The following PLEKHO2 variants were observed in gnomAD, a reference collection of about 807,000 sequenced individuals.
The protein encoded by PLEKHO2 is pleckstrin homology domain containing O2, also known as pleckstrin homology domain-containing family O member 2.
In PLEKHO2, 20 loss-of-function variants were observed where a neutral mutation model predicts 32.7. That is an observed-to-expected ratio of 0.61 (90% CI 0.43 to 0.89). PLEKHO2 has a LOEUF of 0.89. PLEKHO2 is among the 40% of genes least tolerant of loss of function. The probability of loss-of-function intolerance (pLI) is 0.00; values close to 1 mark genes in which losing one functional copy is unlikely to be tolerated. For missense variants in PLEKHO2, 568 were observed against 621.2 expected, an observed-to-expected ratio of 0.91 and a Z score of 0.91; for synonymous variants, 247 against 246.3, an observed-to-expected ratio of 1.00 and a Z score of -0.03.
intron 1 of PLEKHO2, among the ~76,000 whole-genome samples, chr15:64,845,684 C>G (rs2084516567): frequency 6.6e-6 from 1 of 152,196 alleles, no homozygotes; most frequent in Non-Finnish European, 1.5e-5. Flanking sequence ...CTTCAAGGAC[C>G]TGGACTTGTT....
At chr15:64,850,375 A>G (rs2084558331) in intron 2 of PLEKHO2, among the ~76,000 whole-genome samples, 1 of 152,200 alleles carries the variant, frequency 6.6e-6, no homozygotes, top group African/African-American at 2.4e-5. Flanking sequence ...CGTGCTTTCT[A>G]CCAAGAGACG....
At chr15:64,842,961 G>A (rs2084496351) in intron 1 of PLEKHO2, among the ~76,000 whole-genome samples, 2 of 152,226 alleles carry the variant, frequency 1.3e-5, no homozygotes, top group South Asian at 4.1e-4. Flanking sequence ...ATCCCCTGAG[G>A]GGGTCCCAGC....
intron 4 of PLEKHO2, among the ~76,000 whole-genome samples, chr15:64,860,843 TGAGGGACA>T (rs1208639496): frequency 1.2e-4 from 18 of 152,324 alleles, no homozygotes; most frequent in Non-Finnish European, 2.1e-4. Flanking sequence ...CTCAGCCCAC[TGAGGGACA>T]GAGGGACAGA....
chr15:64,862,941 T>C (rs1157416398), intron 5 of PLEKHO2, among the ~76,000 whole-genome samples: 1 of 74,422 alleles, frequency 1.3e-5, no homozygotes. Context: ...CCCCACCTCT[T>C]TTTTTTTTTT....
chr15:64,866,120 T>TGGGCTG lies in PLEKHO2; in HGVS notation c.*247_*252dup, dbSNP rs57184692. 13,834 of 615,148 alleles carry TGGGCTG rather than the reference T, an allele frequency of 0.022. 1,461 individuals carry two copies. The African/African-American group carries it at 0.23, about 10-fold the overall frequency. 38.1% of individuals were successfully genotyped at this position (615,148 alleles called of 1,614,324 possible). A position where few individuals can be genotyped will look rare whatever the true frequency, so the allele number is the denominator to read the frequency against. On this transcript the variant is annotated 3_prime_UTR_variant, in exon 6 of 6. Coordinates refer to ENST00000323544, the MANE Select transcript of PLEKHO2 (RefSeq NM_025201.5). ...CTGCCTGGCTATCTGGCCTGGCCTC[T>TGGGCTG]GGGCTGGGGCTGGGGCTGGGAGCAC... is the stretch of plus-strand genomic sequence containing the variant.
intron 3 of PLEKHO2, among the ~76,000 whole-genome samples, chr15:64,856,876 G>A (rs758966782): frequency 9.2e-5 from 14 of 152,194 alleles, no homozygotes; most frequent in East Asian, 1.9e-4. Context: ...GGTGTTCCCC[G>A]TCCTCAGTGA....
chr15:64,863,895 C>T (rs2084663243), intron 5 of PLEKHO2, among the ~76,000 whole-genome samples: 1 of 152,108 alleles, frequency 6.6e-6, no homozygotes, highest in East Asian at 1.9e-4. Flanking sequence ...AGGCATGTGC[C>T]ACCACACCTG....
intron 2 of PLEKHO2, 134 bp from the exon 3 acceptor site, chr15:64,854,787 T>G: frequency 1.5e-6 from 1 of 664,068 alleles, no homozygotes; most frequent in Non-Finnish European, 2.7e-6. Flanking sequence ...TGGTGACTGA[T>G]TGGCAGCCTG....
chr15:64,846,033 C>T (rs1477498949), intron 1 of PLEKHO2, among the ~76,000 whole-genome samples: 3 of 152,126 alleles, frequency 2.0e-5, no homozygotes, highest in East Asian at 1.9e-4. Flanking sequence ...TTGCTGTTGC[C>T]GTTGCAGTAG....
chr15:64,858,432 A>G (rs1567097307), intron 3 of PLEKHO2, among the ~76,000 whole-genome samples: 1 of 152,222 alleles, frequency 6.6e-6, no homozygotes, highest in Non-Finnish European at 1.5e-5. Context: ...ACCGCCAACA[A>G]AGAACTAGGG....
At chr15:64,860,931 A>G (rs987652044) in intron 4 of PLEKHO2, among the ~76,000 whole-genome samples, 1 of 152,210 alleles carries the variant, frequency 6.6e-6, no homozygotes, top group African/African-American at 2.4e-5. Context: ...AGGCTGCTCC[A>G]GGGTTCTGAG....
chr15:64,847,559 C>A lies in PLEKHO2; in HGVS notation c.13-1034C>A, dbSNP rs149062447. 8.8e-4 allele frequency among the ~76,000 whole-genome samples: 134 copies of A among 152,232 alleles called. 1 individual carries two copies. The highest frequency in any genetic ancestry group is 3.1e-3 in the African/African-American group (130 of 41,540). On this transcript the variant is annotated intron_variant, in intron 1 of 5. Transcript: ENST00000323544. The stretch of plus-strand genomic sequence containing the variant: ...ACCCATTATGTGTAAAAGAACAGGG[C>A]TGGGTGCTGGGGACCCAGAAGTGGA...
At position 64,855,027 on chromosome 15, in the gene PLEKHO2, C is replaced by T. The variant is rs2084597565; in HGVS notation, c.269C>T (p.Pro90Leu). 7 of 1,584,082 alleles carry T rather than the reference C, an allele frequency of 4.4e-6. No individual in the cohort carries two copies. Among genetic ancestry groups the T allele is most frequent in the Non-Finnish European group, 6.0e-6 (7 of 1,164,198 alleles). ...CACCGCTTTATCCTGCTGCGATCCC[C>T]AGGGAACAAGGTAGGGCGATGCCTG... ...RKHRFILLRS[P>L]GNKVSDIKFQ... Residue 90 changes from proline (P) to leucine (L), a missense_variant, in exon 3 of 6, where the codon CCA (proline) becomes CTA (leucine). By Grantham distance (98) the Pro-to-Leu change is moderately conservative (BLOSUM62 -3). Coordinates refer to ENST00000323544, the MANE Select transcript of PLEKHO2 (RefSeq NM_025201.5).
At chr15:64,860,565 G>A (rs1032893225) in intron 4 of PLEKHO2, among the ~76,000 whole-genome samples, 21 of 152,180 alleles carry the variant, frequency 1.4e-4, no homozygotes, top group Admixed American at 9.8e-4. Flanking sequence ...TTGACATCAC[G>A]GATCTTTGGT....
chr15:64,850,542 C>G (rs976140521), intron 2 of PLEKHO2, among the ~76,000 whole-genome samples: 7 of 152,236 alleles, frequency 4.6e-5, no homozygotes, highest in Non-Finnish European at 7.3e-5. Flanking sequence ...AGTGGGTTCT[C>G]TAGATGCACA....
chr15:64,850,762 G>A (rs1475241806), intron 2 of PLEKHO2, among the ~76,000 whole-genome samples: 1 of 152,220 alleles, frequency 6.6e-6, no homozygotes, highest in East Asian at 1.9e-4. Flanking sequence ...CTAAGCTTGC[G>A]TGTTAACTAA....
At chr15:64,852,307 G>C (rs1330856597) in intron 2 of PLEKHO2, among the ~76,000 whole-genome samples, 1 of 152,200 alleles carries the variant, frequency 6.6e-6, no homozygotes, top group Non-Finnish European at 1.5e-5. Context: ...GAGGAATCTG[G>C]AAGGTACTGG....
At chr15:64,843,769 G>T (rs2084503401) in intron 1 of PLEKHO2, among the ~76,000 whole-genome samples, 1 of 151,950 alleles carries the variant, frequency 6.6e-6, no homozygotes, top group African/African-American at 2.4e-5. Flanking sequence ...TAGTAGACAT[G>T]GGGTTTCTCC....
intron 3 of PLEKHO2, 38 bp downstream of exon 3, chr15:64,855,075 C>T: frequency 6.6e-7 from 1 of 1,515,548 alleles, no homozygotes; most frequent in East Asian, 2.4e-5. Flanking sequence ...CTCCCTCTAG[C>T]CCAGAGTCAG....
Sources: gnomAD v4.1 joint callset for allele counts (sites outside exome capture counted in the v4.1 genomes callset) on GRCh38, gnomAD v4.1.1 for gene constraint, MANE v1.5 for transcripts, NCBI Gene and HGNC (gene_info 2026-07-23, HGNC 2026-07-21) for gene names.